The following ARHGEF28 variants were observed in gnomAD, a reference collection of about 807,000 sequenced individuals.
ARHGEF28 encodes the protein 190 kDa guanine nucleotide exchange factor.
In ARHGEF28, 152 loss-of-function variants were observed where a neutral mutation model predicts 206.6. The ratio of observed to expected loss-of-function variants is 0.74; its 90% confidence interval spans 0.64 to 0.84. The LOEUF is 0.84. Ranked by LOEUF, ARHGEF28 falls within the 40% of genes least tolerant of loss-of-function variation. The pLI, the probability that ARHGEF28 is intolerant of heterozygous loss-of-function variation, is 0.00. For synonymous variants in ARHGEF28, 763 were observed against 776.4 expected (o/e 0.98, Z 0.29); for missense variants, 2,028 against 2,073.2 (o/e 0.98, Z 0.42).
intron 1 of ARHGEF28, among the ~76,000 whole-genome samples, chr5:73,667,821 A>G (rs1377664501): frequency 1.3e-5 from 2 of 152,214 alleles, no homozygotes; most frequent in African/African-American, 4.8e-5. Flanking sequence ...TGCTGCTTAG[A>G]TATTTCTTTT....
chr5:73,759,463 T>C (rs1416365628), intron 4 of ARHGEF28, among the ~76,000 whole-genome samples: 1 of 152,200 alleles, frequency 6.6e-6, no homozygotes, highest in East Asian at 1.9e-4. Context: ...TCTTCATAAA[T>C]TAGTTCCTTT....
chr5:73,929,658 T>C (rs1479316367), intron 35 of ARHGEF28, among the ~76,000 whole-genome samples: 1 of 152,200 alleles, frequency 6.6e-6, no homozygotes, highest in Non-Finnish European at 1.5e-5. Context: ...TTTTGCCATA[T>C]TTATTTCAGA....
chr5:73,888,541 A>G (rs368943217), intron 26 of ARHGEF28, among the ~76,000 whole-genome samples: 1 of 152,238 alleles, frequency 6.6e-6, no homozygotes, highest in Non-Finnish European at 1.5e-5. Flanking sequence ...CAGGAAACAA[A>G]TTCACATCTT....
At chr5:73,672,871 T>G (rs933978675) in intron 1 of ARHGEF28, among the ~76,000 whole-genome samples, 1 of 152,254 alleles carries the variant, frequency 6.6e-6, no homozygotes, top group African/African-American at 2.4e-5. Flanking sequence ...TAGCTTGTGC[T>G]CCTCTTTGTA....
chr5:73,650,197 T>G (rs766153742), intron 1 of ARHGEF28, among the ~76,000 whole-genome samples: 19 of 152,078 alleles, frequency 1.2e-4, no homozygotes, highest in Non-Finnish European at 2.6e-4. Flanking sequence ...GTGTGTATGC[T>G]TGTTTTAGAG....
chr5:73,824,073 T>C (rs1203279432), intron 9 of ARHGEF28, among the ~76,000 whole-genome samples: 1 of 152,250 alleles, frequency 6.6e-6, no homozygotes, highest in Non-Finnish European at 1.5e-5. Context: ...TTACATCTAA[T>C]TCCTACTTTT....
Position 73,904,228 on chromosome 5 carries a change from T to C in ARHGEF28, c.4081T>C (p.Cys1361Arg). 6.2e-7 allele frequency: 1 copy of C among 1,613,854 alleles called. No individual in the cohort carries two copies. Among genetic ancestry groups the C allele is most frequent in the Non-Finnish European group, 8.5e-7 (1 of 1,179,744 alleles). ...TGTTTTTTATGTATTTTAGGTGGAA[T>C]GTAGAAATTTTCCAGGTTCTTCACA... ...AVSDAGEKVE[C>R]RNFPGSSQSE... The change falls in exon 32 of 36, where the codon TGT becomes CGT. Residue 1361 changes from cysteine to arginine, a missense_variant. Around this residue, in one of 3 missense-constraint regions of ARHGEF28, gnomAD observed 803 missense variants for 768.0 expected, o/e 1.05. Transcript: ENST00000513042.
chr5:73,759,985 G>A (rs763113911), intron 4 of ARHGEF28, among the ~76,000 whole-genome samples: 19 of 152,314 alleles, frequency 1.2e-4, no homozygotes, highest in South Asian at 6.2e-4. Flanking sequence ...GAAATGGAGC[G>A]TGGCTTGTGG....
At chr5:73,677,929 T>C (rs1331698612) in intron 1 of ARHGEF28, among the ~76,000 whole-genome samples, 1 of 152,222 alleles carries the variant, frequency 6.6e-6, no homozygotes, top group African/African-American at 2.4e-5. Context: ...TAGAATGAAA[T>C]ATAGAGGGTG....
At chr5:73,869,864 C>T (rs553271275) in intron 20 of ARHGEF28, among the ~76,000 whole-genome samples, 6 of 151,948 alleles carry the variant, frequency 3.9e-5, no homozygotes, top group South Asian at 2.1e-4. Context: ...GACGAGATCG[C>T]GCCATTGCAC....
intron 10 of ARHGEF28, among the ~76,000 whole-genome samples, chr5:73,834,730 G>A (rs939458413): frequency 1.3e-5 from 2 of 152,086 alleles, no homozygotes; most frequent in African/African-American, 4.8e-5. Context: ...TTGTGTCCCA[G>A]TTGCCTACAG....
At chr5:73,834,582 GTGTT>G (rs1561440978) in intron 10 of ARHGEF28, among the ~76,000 whole-genome samples, 1 of 151,330 alleles carries the variant, frequency 6.6e-6, no homozygotes, top group African/African-American at 2.4e-5. Flanking sequence ...GTGCATGTGT[GTGTT>G]TGTGTGTGCA....
chr5:73,686,499 TTTC>T (rs1383703249), intron 2 of ARHGEF28, among the ~76,000 whole-genome samples: 2 of 151,978 alleles, frequency 1.3e-5, no homozygotes, highest in African/African-American at 4.8e-5. Flanking sequence ...AAAACAAGTT[TTTC>T]TTTTTTCTTT....
chr5:73,877,197 G>C (rs2112654100), intron 22 of ARHGEF28, among the ~76,000 whole-genome samples: 1 of 151,578 alleles, frequency 6.6e-6, no homozygotes, highest in East Asian at 1.9e-4. Flanking sequence ...AGATTTTCTA[G>C]TTTATTTGCA....
chr5:73,867,424 A>G (rs561676581), intron 18 of ARHGEF28, among the ~76,000 whole-genome samples: 80 of 152,316 alleles, frequency 5.3e-4, no homozygotes, highest in African/African-American at 1.9e-3. Context: ...TTATACCATG[A>G]AGAATAGGCT....
At chr5:73,782,377 G>A (rs776375566) in intron 7 of ARHGEF28, among the ~76,000 whole-genome samples, 10 of 152,142 alleles carry the variant, frequency 6.6e-5, no homozygotes, top group Non-Finnish European at 2.9e-5. Flanking sequence ...AGGCGAGGTT[G>A]CAGTGAGCTG....
At position 73,820,637 on chromosome 5, in the gene ARHGEF28, T is replaced by G. The variant is rs374310308; in HGVS notation, c.1025-11701T>G. ...CCCTGGCTCTTACCCTACAGAAACC[T>G]TGGACTCTCTTCCCCTGGCTGCTGA... On this transcript the variant is annotated intron_variant, in intron 9 of 35. Coordinates refer to ENST00000513042, the MANE Select transcript of ARHGEF28 (RefSeq NM_001177693.2). Among the ~76,000 whole-genome samples the G allele has an allele frequency of 4.6e-5, 7 of 152,278 alleles. No homozygotes were observed. The East Asian group carries it at 1.4e-3, about 29-fold the overall frequency.
intron 2 of ARHGEF28, among the ~76,000 whole-genome samples, chr5:73,694,958 G>T (rs1748096728): frequency 6.6e-6 from 1 of 152,252 alleles, no homozygotes; most frequent in African/African-American, 2.4e-5. Context: ...ATTTCAGATG[G>T]TAGTATGGGT....
chr5:73,730,221 GT>G (rs1750525047), intron 2 of ARHGEF28, among the ~76,000 whole-genome samples: 1 of 152,154 alleles, frequency 6.6e-6, no homozygotes, highest in African/African-American at 2.4e-5. Flanking sequence ...CAAATGTAGA[GT>G]TTTTTAAATA....
Sources: gnomAD v4.1 joint callset for allele counts (sites outside exome capture counted in the v4.1 genomes callset) on GRCh38, gnomAD v4.1.1 for gene constraint, gnomAD v4.1.1 regional missense constraint, MANE v1.5 for transcripts, NCBI Gene and HGNC (gene_info 2026-07-23, HGNC 2026-07-21) for gene names.